The following IL4I1 variants were observed in gnomAD, a reference collection of about 807,000 sequenced individuals.
The protein encoded by IL4I1 is L-amino-acid oxidase.
Under a neutral mutation model 29.7 loss-of-function variants are expected in IL4I1, and 24 were observed. The ratio of observed to expected loss-of-function variants is 0.81; its 90% CI spans 0.59 to 1.14. The LOEUF (loss-of-function observed/expected upper bound fraction) is 1.14. Among genes scored for constraint, IL4I1 ranks in the 50% most tolerant of loss-of-function variants. The pLI, the probability that IL4I1 is intolerant of heterozygous loss-of-function variation, is 0.00. For synonymous variants in IL4I1, 371 were observed against 352.5 expected (o/e 1.05, Z -0.59); for missense variants, 686 against 785.6 (o/e 0.87, Z 1.52).
Position 49,890,093 on chromosome 19 carries a change from G to A in IL4I1, c.1281C>T (p.His427=), listed in dbSNP as rs940783527. The A allele has an allele frequency of 1.0e-5, 16 of 1,545,496 alleles. No homozygotes were observed. Among genetic ancestry groups the A allele is most frequent in the Non-Finnish European group, 1.3e-5 (15 of 1,145,872 alleles). ...CCCAGAGCTGGCGCACGACAGGCCC[G>A]TGCAATGCCGCCACGTCGTCGAGCG... ...RLALDDVAAL[H]GPVVRQLWDG... is the part of the protein sequence containing the mutation. The change falls in exon 8 of 8, where the codon CAC becomes CAT. Residue 427 remains histidine, a synonymous_variant. Transcript: ENST00000391826.
intron 2 of IL4I1, chr19:49,908,184 G>T: frequency 6.3e-7 from 1 of 1,597,124 alleles, no homozygotes; most frequent in South Asian, 1.1e-5. Flanking sequence ...AGACAACAGG[G>T]CGCATTCCCC....
intron 2 of IL4I1, among the ~76,000 whole-genome samples, chr19:49,915,834 T>C (rs1439957997): frequency 2.0e-5 from 3 of 152,170 alleles, no homozygotes; most frequent in Non-Finnish European, 2.9e-5. Context: ...TGTGGGTGGA[T>C]TGCCACTGAC....
At chr19:49,896,323 A>T in intron 1 of IL4I1, 141 bp from the exon 2 acceptor site, 2 of 1,056,494 alleles carry the variant, frequency 1.9e-6, no homozygotes, top group Admixed American at 3.0e-5. Context: ...GTGTCCCCTA[A>T]CCCCATTCCT....
chr19:49,899,180 C>T (rs2075248532), upstream of IL4I1, among the ~76,000 whole-genome samples: 1 of 152,206 alleles, frequency 6.6e-6, no homozygotes. Context: ...TTCAGTCCTA[C>T]AGCCGCATAA....
upstream of IL4I1, among the ~76,000 whole-genome samples, chr19:49,900,821 T>C (rs2075264565): frequency 2.6e-5 from 4 of 152,082 alleles, no homozygotes; most frequent in African/African-American, 9.7e-5. Context: ...ATAAGGTTAA[T>C]CCTCCCAGAT....
chr19:49,891,137 G>A (rs765739973), intron 6 of IL4I1, 30 bp from the exon 7 acceptor site: 5 of 1,604,370 alleles, frequency 3.1e-6, no homozygotes, highest in Non-Finnish European at 4.3e-6. Flanking sequence ...CGAGGTTAGG[G>A]CCCAGGCAGG....
At chr19:49,905,316 A>G (rs2075307958) in intron 2 of IL4I1, among the ~76,000 whole-genome samples, 1 of 152,226 alleles carries the variant, frequency 6.6e-6, no homozygotes, top group Non-Finnish European at 1.5e-5. Flanking sequence ...GCACCAGATC[A>G]GGATCAGCTC....
chr19:49,892,395 ACT>A (rs1263982547), intron 5 of IL4I1, among the ~76,000 whole-genome samples: 7 of 151,434 alleles, frequency 4.6e-5, no homozygotes, highest in African/African-American at 1.7e-4. Context: ...CCGCCTTCTG[ACT>A]CTCTGGGGAA....
Position 49,891,414 on chromosome 19 carries a change from G to A in IL4I1, c.627C>T (p.His209=), listed in dbSNP as rs137998843. ...CAAGATCCCCACTTACCAAGAGCGTGTGCCTTTCAAACTTCTTCATCGCCT... is the reference window on the plus strand; with the variant it reads ...CAAGATCCCCACTTACCAAGAGCGTATGCCTTTCAAACTTCTTCATCGCCT... ...CRKAMKKFER[H]TLLEYLLGEG... is the part of the protein sequence containing the mutation. Residue 209 remains histidine, a synonymous_variant, in exon 6 of 8, where the codon CAC becomes CAT. Transcript: ENST00000391826. 81 of 1,613,916 alleles carry A rather than the reference G, an allele frequency of 5.0e-5. No homozygotes were observed. Among genetic ancestry groups the A allele is most frequent in the Non-Finnish European group, 6.5e-5 (77 of 1,179,952 alleles).
rs2075208372 is a variant in IL4I1 at position 49,896,199 on chromosome 19, G to A, written c.-22-17C>T. The A allele has an allele frequency of 2.7e-6, 4 of 1,492,572 alleles. No individual in the cohort carries two copies. Among genetic ancestry groups the A allele is most frequent in the Non-Finnish European group, 3.6e-6 (4 of 1,118,194 alleles). 92.5% of individuals were successfully genotyped at this position (1,492,572 alleles called of 1,614,324 possible). On this transcript the variant is annotated splice_polypyrimidine_tract_variant and intron_variant, in intron 1 of 7. Coordinates refer to ENST00000391826, the MANE Select transcript of IL4I1 (RefSeq NM_152899.2). ...AGATGGTGTCTGGGGTGGAGGAGAA[G>A]GGAGGGCTGTTGTGACTGAGGCCTG...
chr19:49,928,935 TA>T (rs2075984322), intron 1 of IL4I1: 1 of 152,470 alleles, frequency 6.6e-6, no homozygotes, highest in Non-Finnish European at 1.5e-5. Flanking sequence ...AACCAGAGCT[TA>T]GAGTCAGGAG....
chr19:49,912,462 C>T (rs1187845117), intron 2 of IL4I1, among the ~76,000 whole-genome samples: 1 of 152,202 alleles, frequency 6.6e-6, no homozygotes, highest in East Asian at 1.9e-4. Context: ...AGCCACTGCG[C>T]CCGGCCAACA....
rs751908028 is a variant in IL4I1 at position 49,895,200 on chromosome 19, G to A, written c.253-20C>T. The A allele has an allele frequency of 1.2e-5, 19 of 1,595,778 alleles. No homozygotes were observed. Among genetic ancestry groups the A allele is most frequent in the Admixed American group, 8.4e-5 (5 of 59,828 alleles). On this transcript the variant is annotated intron_variant, in intron 3 of 7. Coordinates refer to ENST00000391826, the MANE Select transcript of IL4I1 (RefSeq NM_152899.2). ...GGTGACCTGAGGGAGTCCGTGGGGCGAGGAGGGCCCTTCAGCTCCACCCAC... is the reference window on the plus strand; with the variant it reads ...GGTGACCTGAGGGAGTCCGTGGGGCAAGGAGGGCCCTTCAGCTCCACCCAC...
At chr19:49,908,963 G>C (rs149572563) in intron 2 of IL4I1, 66 of 1,605,800 alleles carry the variant, frequency 4.1e-5, no homozygotes, top group East Asian at 2.0e-4. Flanking sequence ...GCTGCTGCTG[G>C]TGGTGGTGGC....
Position 49,894,291 on chromosome 19 carries a change from T to G in IL4I1, c.544A>C (p.Ile182Leu). The G allele has an allele frequency of 6.2e-7, 1 of 1,613,982 alleles. No homozygotes were observed. The highest frequency in any genetic ancestry group is 8.5e-7 in the Non-Finnish European group (1 of 1,179,946). The change falls in exon 5 of 8, where the codon ATC becomes CTC. Residue 182 changes from isoleucine (I) to leucine (L), a missense_variant. Ile to Leu is a conservative substitution (Grantham distance 5, BLOSUM62 2). Coordinates refer to ENST00000391826, the MANE Select transcript of IL4I1 (RefSeq NM_152899.2). ...PQEKGHSPED[I>L]YQMALNQALK... ...ACCTGGTTGAGAGCCATCTGGTAGA[T>G]GTCTTCGGGCGAGTGGCCCTTTTCC...
At chr19:49,911,277 GA>G (rs1458716764) in intron 2 of IL4I1, 1 of 152,222 alleles carries the variant, frequency 6.6e-6, no homozygotes, top group Non-Finnish European at 1.5e-5. Context: ...AGACTGGAGT[GA>G]TGCGCTTTGG....
At chr19:49,896,308 G>T in intron 1 of IL4I1, 126 bp from the exon 2 acceptor site, 1 of 1,198,084 alleles carries the variant, frequency 8.3e-7, no homozygotes, top group African/African-American at 1.5e-5. Flanking sequence ...CTGCTCTCTG[G>T]ACCTGTGTCC....
Position 49,908,816 on chromosome 19 carries a change from G to A in IL4I1, c.-227-4495C>T, listed in dbSNP as rs377108835. ...TTTGTTGATCAGGCTCTCCAGCTGC[G>A]CGTAGGTCATGGCGGAGCTGGCAGC... is the stretch of plus-strand genomic sequence containing the variant. On this transcript the variant is annotated intron_variant, in intron 2 of 9. Coordinates refer to the IL4I1 transcript ENST00000341114. 19 of 1,613,420 alleles carry A rather than the reference G, an allele frequency of 1.2e-5. No individual in the cohort carries two copies. The highest frequency in any genetic ancestry group is 2.2e-5 in the East Asian group (1 of 44,906).
At chr19:49,902,359 C>A in intron 3 of IL4I1, among the ~76,000 whole-genome samples, 1 of 118,634 alleles carries the variant, frequency 8.4e-6, no homozygotes. Flanking sequence ...GCAGCCATTT[C>A]TTTTTTTTTT....
Sources: allele counts gnomAD v4.1 joint callset (sites outside exome capture counted in the v4.1 genomes callset), GRCh38; gene constraint gnomAD v4.1.1; transcripts MANE v1.5; gene names NCBI Gene and HGNC (gene_info 2026-07-23, HGNC 2026-07-21).